Variants in C12orf42 observed in about 807,000 individuals in gnomAD.
C12orf42 encodes the protein uncharacterized protein C12orf42.
C12orf42 carries 25 observed loss-of-function variants against 21.6 expected under a neutral mutation model. The observed-to-expected ratio is 1.16, with a 90% confidence interval of 0.84 to 1.62. C12orf42 has a LOEUF of 1.62. Ranked by LOEUF, C12orf42 falls within the 40% of genes most tolerant of loss-of-function variation. C12orf42 has a pLI of 0.00. For synonymous variants in C12orf42, 174 were observed against 175.0 expected, an observed-to-expected ratio of 0.99 and a Z score of 0.05; for missense variants, 483 against 459.3, an observed-to-expected ratio of 1.05 and a Z score of -0.47.
the C12orf42 span, among the ~76,000 whole-genome samples, chr12:103,223,345 T>C: frequency 6.6e-6 from 1 of 151,970 alleles, no homozygotes; most frequent in Non-Finnish European, 1.5e-5. Flanking sequence ...AGAAGAAACA[T>C]TTGTCGTATA....
intron 4 of C12orf42, among the ~76,000 whole-genome samples, chr12:103,315,973 G>GAT (rs754001424): frequency 1.7e-4 from 25 of 147,314 alleles, no homozygotes; most frequent in East Asian, 4.1e-4. Flanking sequence ...TCACACTATA[G>GAT]ATATATATAT....
intron 1 of C12orf42, among the ~76,000 whole-genome samples, chr12:103,493,303 TCA>T (rs764370445): frequency 6.6e-6 from 1 of 152,106 alleles, no homozygotes; most frequent in Non-Finnish European, 1.5e-5. Context: ...CTCCCCACAC[TCA>T]CAATGTTTCA....
the C12orf42 span, among the ~76,000 whole-genome samples, chr12:103,154,236 C>T: frequency 2.0e-4 from 31 of 152,194 alleles, no homozygotes; most frequent in African/African-American, 7.2e-4. Context: ...GGTGAATGCT[C>T]CCTTTCTTAA....
At chr12:103,272,549 T>G (rs2035535637) in intron 5 of C12orf42, among the ~76,000 whole-genome samples, 1 of 152,108 alleles carries the variant, frequency 6.6e-6, no homozygotes, top group Admixed American at 6.5e-5. Flanking sequence ...AGATTTCATT[T>G]AATACGTTTT....
intron 10 of C12orf42, among the ~76,000 whole-genome samples, chr12:103,252,241 C>G (rs1325087538): frequency 6.6e-6 from 1 of 152,084 alleles, no homozygotes. Context: ...GTAAATAGTG[C>G]TGCAATAAAC....
chr12:103,071,298 G>A, the C12orf42 span, among the ~76,000 whole-genome samples: 9 of 152,092 alleles, frequency 5.9e-5, no homozygotes, highest in Non-Finnish European at 1.3e-4. Flanking sequence ...TTTCTTAAAT[G>A]AGTAAAGGCT....
intron 4 of C12orf42, among the ~76,000 whole-genome samples, chr12:103,359,279 A>G (rs1220748784): frequency 6.6e-6 from 1 of 152,044 alleles, no homozygotes; most frequent in Non-Finnish European, 1.5e-5. Flanking sequence ...GTAGAGTAAA[A>G]TTCACTCTTT....
At chr12:103,530,878 T>G in the C12orf42 span, among the ~76,000 whole-genome samples, 1 of 152,156 alleles carries the variant, frequency 6.6e-6, no homozygotes, top group Non-Finnish European at 1.5e-5. Context: ...CCGCCACAGC[T>G]CTCATTATAA....
At chr12:103,182,569 G>T in the C12orf42 span, among the ~76,000 whole-genome samples, 1 of 148,842 alleles carries the variant, frequency 6.7e-6, no homozygotes, top group African/African-American at 2.6e-5. Context: ...CTTAATAAAG[G>T]TAATAAAGGT....
At chr12:103,222,108 C>A in the C12orf42 span, among the ~76,000 whole-genome samples, 2 of 152,114 alleles carry the variant, frequency 1.3e-5, no homozygotes, top group Admixed American at 1.3e-4. Context: ...CAGCAGCCAC[C>A]ATGTTTTTCA....
chr12:103,175,485 A>G, the C12orf42 span, among the ~76,000 whole-genome samples: 10 of 152,232 alleles, frequency 6.6e-5, no homozygotes, highest in East Asian at 1.7e-3. Flanking sequence ...CATATGCCCT[A>G]AAAATTGGGC....
chr12:103,428,425 C>T (rs747683005), intron 2 of C12orf42, among the ~76,000 whole-genome samples: 3 of 152,020 alleles, frequency 2.0e-5, no homozygotes, highest in African/African-American at 4.8e-5. Context: ...AGGAAGAAGT[C>T]GAATCCCTGA....
the C12orf42 span, among the ~76,000 whole-genome samples, chr12:103,208,134 A>G: frequency 6.6e-6 from 1 of 152,218 alleles, no homozygotes; most frequent in African/African-American, 2.4e-5. Context: ...TAATGGTACA[A>G]GCAAAGAGGC....
chr12:103,479,078 C>T (rs1478335101), intron 1 of C12orf42, among the ~76,000 whole-genome samples: 1 of 152,032 alleles, frequency 6.6e-6, no homozygotes, highest in Non-Finnish European at 1.5e-5. Flanking sequence ...AACTTAGGCC[C>T]TCATTTGCAC....
At chr12:103,069,245 T>C in the C12orf42 span, among the ~76,000 whole-genome samples, 2 of 151,670 alleles carry the variant, frequency 1.3e-5, no homozygotes. Context: ...GATTCTCTTT[T>C]GTAATTTCTT....
intron 4 of C12orf42, among the ~76,000 whole-genome samples, chr12:103,285,984 G>A (rs1346419150): frequency 3.3e-5 from 5 of 152,176 alleles, no homozygotes; most frequent in Non-Finnish European, 7.3e-5. Context: ...GGTGGCTCAC[G>A]CCTGTAATCC....
the C12orf42 span, among the ~76,000 whole-genome samples, chr12:103,119,174 A>G: frequency 6.6e-6 from 1 of 152,312 alleles, no homozygotes; most frequent in East Asian, 1.9e-4. Flanking sequence ...GGATTTTAGT[A>G]CTGTTCTCTT....
chr12:103,095,393 T>C, the C12orf42 span, among the ~76,000 whole-genome samples: 2 of 152,200 alleles, frequency 1.3e-5, no homozygotes, highest in African/African-American at 2.4e-5. Flanking sequence ...CTGGTCTCCT[T>C]GCTGCCCTTG....
the C12orf42 span, among the ~76,000 whole-genome samples, chr12:103,048,147 G>A: frequency 1.4e-4 from 22 of 151,886 alleles, no homozygotes; most frequent in Non-Finnish European, 2.1e-4. Flanking sequence ...CCTTGTAAAC[G>A]GAGATGAGGC....
Sources: allele counts gnomAD v4.1 joint callset (sites outside exome capture counted in the v4.1 genomes callset), GRCh38; gene constraint gnomAD v4.1.1; transcripts MANE v1.5; gene names NCBI Gene and HGNC (gene_info 2026-07-23, HGNC 2026-07-21).